The following MAP4 variants were observed in gnomAD, a reference collection of about 807,000 sequenced individuals.
MAP4 encodes microtubule-associated protein 4.
MAP4 carries 76 observed loss-of-function variants against 170.2 expected under a neutral mutation model. The ratio of observed to expected loss-of-function variants is 0.45; its 90% CI spans 0.37 to 0.54. MAP4 has a LOEUF of 0.54. Ranked by LOEUF, MAP4 falls within the 20% of genes least tolerant of loss-of-function variation. The pLI is 0.00. For synonymous variants in MAP4, 909 were observed against 994.5 expected (o/e 0.91, Z 1.62); for missense variants, 2,506 against 2,748.0 (o/e 0.91, Z 1.97).
intron 1 of MAP4, among the ~76,000 whole-genome samples, chr3:48,001,967 C>T (rs1401385341): frequency 2.0e-5 from 3 of 152,068 alleles, no homozygotes; most frequent in Non-Finnish European, 4.4e-5. Context: ...ACCTCCACCT[C>T]CCAGGTTCAT....
intron 1 of MAP4, among the ~76,000 whole-genome samples, chr3:48,056,119 G>A (rs1420672936): frequency 6.9e-6 from 1 of 144,804 alleles, no homozygotes; most frequent in Admixed American, 6.7e-5. Flanking sequence ...AGGTGGGGGG[G>A]GGTCAGCCCC....
In MAP4 at chr3:47,918,727, G is replaced by C; in HGVS notation, c.644C>G (p.Pro215Arg). 2 of 1,609,730 alleles carry C rather than the reference G, an allele frequency of 1.2e-6. No homozygotes were observed. The highest frequency in any genetic ancestry group is 1.7e-6 in the Non-Finnish European group (2 of 1,176,324). Reference sequence around the variant, plus strand: ...AGTCTCTAATAGTTTACCTGCCGTTGGCTGAGGAGGTTCTGCAACAGCCTC... The same window carrying C: ...AGTCTCTAATAGTTTACCTGCCGTTCGCTGAGGAGGTTCTGCAACAGCCTC... ...SPEAVAEPPQ[P>R]TAVPLELAKE... Residue 215 changes from proline (P) to arginine (R), a missense_variant, in exon 6 of 21, where the codon CCA becomes CGA. Around this residue, in one of 3 missense-constraint regions of MAP4, gnomAD observed 2,008 missense variants for 2,206.0 expected, o/e 0.91. Transcript: ENST00000683076.
At chr3:48,080,510 T>C (rs188714246) in intron 1 of MAP4, among the ~76,000 whole-genome samples, 2 of 152,304 alleles carry the variant, frequency 1.3e-5, no homozygotes, top group East Asian at 1.9e-4. Context: ...GTCAAGATAA[T>C]GAGACTGCTT....
chr3:47,892,625 T>A (rs1420064158), intron 10 of MAP4: 1 of 1,417,034 alleles, frequency 7.1e-7, no homozygotes, highest in African/African-American at 1.4e-5. Flanking sequence ...TCAATGCCCC[T>A]CTCTCCTCAA....
upstream of MAP4, among the ~76,000 whole-genome samples, chr3:48,017,447 A>G (rs187477825): frequency 3.5e-3 from 531 of 152,070 alleles, no homozygotes; most frequent in African/African-American, 0.012. Flanking sequence ...CCTGATCTTT[A>G]AAGGGACCCC....
chr3:48,008,562 C>G (rs1559784418), intron 1 of MAP4, among the ~76,000 whole-genome samples: 1 of 152,166 alleles, frequency 6.6e-6, no homozygotes, highest in Non-Finnish European at 1.5e-5. Context: ...TTGGAAGGAG[C>G]ATGATTGGAA....
intron 1 of MAP4, among the ~76,000 whole-genome samples, chr3:48,037,304 AAATGATTTATATC>A (rs1180164426): frequency 6.6e-6 from 1 of 152,154 alleles, no homozygotes; most frequent in Non-Finnish European, 1.5e-5. Context: ...ACTAAATCAA[AAATGATTTATATC>A]AATTATTGTC....
chr3:48,019,183 AT>A (rs2100109321), upstream of MAP4, among the ~76,000 whole-genome samples: 1 of 152,044 alleles, frequency 6.6e-6, no homozygotes, highest in Admixed American at 6.6e-5. Flanking sequence ...ACAAAAAAAA[AT>A]GTTTTTAATT....
chr3:48,020,789 G>T (rs1290189500), upstream of MAP4, among the ~76,000 whole-genome samples: 5 of 152,070 alleles, frequency 3.3e-5, no homozygotes, highest in South Asian at 1.0e-3. Context: ...ATTTGTTGTT[G>T]TTGTTTTGTT....
At chr3:47,953,435 C>T (rs1274510195) in intron 3 of MAP4, among the ~76,000 whole-genome samples, 1 of 151,886 alleles carries the variant, frequency 6.6e-6, no homozygotes, top group African/African-American at 2.4e-5. Context: ...GGAAGGAGGA[C>T]TACTTGAGCC....
intron 1 of MAP4, among the ~76,000 whole-genome samples, chr3:48,051,441 T>C (rs1445072023): frequency 1.3e-5 from 2 of 152,150 alleles, no homozygotes; most frequent in Admixed American, 6.6e-5. Context: ...CATATCCTTT[T>C]CAAGTCAACC....
intron 1 of MAP4, among the ~76,000 whole-genome samples, chr3:48,080,012 G>T (rs2100145828): frequency 2.0e-5 from 3 of 152,022 alleles, no homozygotes. Flanking sequence ...ATAATAAAAG[G>T]CTTAGAAAGC....
chr3:47,853,082 C>G (rs2046163611), intron 20 of MAP4, 81 bp downstream of exon 20: 1 of 1,614,162 alleles, frequency 6.2e-7, no homozygotes. Flanking sequence ...AGGCCACACT[C>G]TAGTCAAAAA....
At chr3:47,935,588 A>G (rs1044683118) in intron 3 of MAP4, among the ~76,000 whole-genome samples, 3 of 152,038 alleles carry the variant, frequency 2.0e-5, no homozygotes, top group Non-Finnish European at 4.4e-5. Flanking sequence ...GCAGGCCCAA[A>G]GCCCTTTTGG....
chr3:47,910,626 G>T lies in MAP4; in HGVS notation c.3795C>A (p.Pro1265=), dbSNP rs767456518. 7.8e-6 allele frequency: 12 copies of T among 1,535,936 alleles called. No individual in the cohort carries two copies. Among genetic ancestry groups the T allele is most frequent in the Middle Eastern group, 1.7e-4 (1 of 6,012 alleles). Residue 1265 remains proline (P), a synonymous_variant, in exon 9 of 21, where the codon CCC becomes CCA. Coordinates refer to ENST00000683076, the MANE Select transcript of MAP4 (RefSeq NM_001385682.1). ...GTGAGAACGAAGAATCATGCATTTT[G>T]GGGAAAGTAAATCCTATTTCCTTGC... is the stretch of plus-strand genomic sequence containing the variant. ...HKSKEIGFTF[P]KMHDSSFSHT...
chr3:48,086,112 G>A (rs1465187766), intron 1 of MAP4, among the ~76,000 whole-genome samples: 1 of 139,156 alleles, frequency 7.2e-6, no homozygotes, highest in Non-Finnish European at 1.5e-5. Context: ...ATGTATATGT[G>A]TATGTATATA....
At chr3:48,074,240 T>C (rs1422521695) in intron 1 of MAP4, among the ~76,000 whole-genome samples, 2 of 139,334 alleles carry the variant, frequency 1.4e-5, no homozygotes, top group Non-Finnish European at 3.0e-5. Context: ...TTCTCACTCA[T>C]AGGTGGGAAT....
intron 1 of MAP4, among the ~76,000 whole-genome samples, chr3:48,027,342 A>C (rs1288889916): frequency 1.3e-5 from 2 of 152,174 alleles, no homozygotes; most frequent in Non-Finnish European, 2.9e-5. Flanking sequence ...ACAAAGCTAC[A>C]ATTAGGACAA....
At chr3:47,947,308 C>T (rs928367156) in intron 3 of MAP4, among the ~76,000 whole-genome samples, 1 of 152,182 alleles carries the variant, frequency 6.6e-6, no homozygotes, top group Admixed American at 6.5e-5. Flanking sequence ...TTACCCCTTC[C>T]TCCTCCTGGC....
Sources: gnomAD v4.1 joint callset for allele counts (sites outside exome capture counted in the v4.1 genomes callset) on GRCh38, gnomAD v4.1.1 for gene constraint, gnomAD v4.1.1 regional missense constraint, MANE v1.5 for transcripts, NCBI Gene and HGNC (gene_info 2026-07-23, HGNC 2026-07-21) for gene names.